The following ANK3 variants were observed in gnomAD, a reference collection of about 807,000 sequenced individuals.
ANK3 encodes ankyrin-3.
A neutral mutation model predicts 370.9 loss-of-function variants in ANK3; 57 were observed. The observed-to-expected ratio is 0.15, with a 90% CI of 0.12 to 0.19. The LOEUF (loss-of-function observed/expected upper bound fraction) is 0.19, where lower values mean the gene tolerates loss of function less well. Ranked by LOEUF, ANK3 falls within the 10% of genes least tolerant of loss-of-function variation. ANK3 has a pLI of 1.00. For missense variants in ANK3, 4,439 were observed against 5,302.1 expected (o/e 0.84, Z 5.06); for synonymous variants, 1,929 against 1,946.3 (o/e 0.99, Z 0.23).
intron 9 of ANK3, among the ~76,000 whole-genome samples, chr10:60,209,172 A>T (rs1338619652): frequency 6.6e-6 from 1 of 152,210 alleles, no homozygotes; most frequent in Admixed American, 6.5e-5. Context: ...AGAGAATTCA[A>T]TTATCAAGAG....
chr10:60,159,411 C>G (rs1259189060), intron 23 of ANK3, among the ~76,000 whole-genome samples: 4 of 151,998 alleles, frequency 2.6e-5, no homozygotes, highest in Admixed American at 2.6e-4. Context: ...TGCTGGAGCA[C>G]CCGTATATAT....
chr10:60,239,563 G>A (rs4369348), intron 7 of ANK3, among the ~76,000 whole-genome samples: 110,305 of 151,956 alleles, frequency 0.73, 40,148 homozygotes, highest in East Asian at 0.85. Flanking sequence ...ACTTTTTAAG[G>A]TAAACAAAAG....
At chr10:60,033,536 A>AAAAAAAAAAAAAAAAAAAAAAC (rs1554812951) in intron 43 of ANK3, among the ~76,000 whole-genome samples, 1 of 98,394 alleles carries the variant, frequency 1.0e-5, no homozygotes, top group Non-Finnish European at 2.0e-5. Flanking sequence ...AAAAAAAAAA[A>AAAAAAAAAAAAAAAAAAAAAAC]AAACTTGGAA....
chr10:60,458,540 A>G (rs2064808232), intron 2 of ANK3, among the ~76,000 whole-genome samples: 1 of 152,148 alleles, frequency 6.6e-6, no homozygotes, highest in Admixed American at 6.6e-5. Context: ...TACTGAGAAA[A>G]TTCAGCAAGA....
intron 7 of ANK3, among the ~76,000 whole-genome samples, chr10:60,240,123 C>CAT (rs1205095561): frequency 4.8e-5 from 4 of 83,080 alleles, no homozygotes; most frequent in Non-Finnish European, 7.4e-5. Flanking sequence ...TATATACACA[C>CAT]ATATATATAC....
chr10:60,723,952 T>G (rs562087505), intron 1 of ANK3, among the ~76,000 whole-genome samples: 2 of 151,602 alleles, frequency 1.3e-5, no homozygotes, highest in Non-Finnish European at 2.9e-5. Context: ...GGCTCACGCC[T>G]GTAATCCCAG....
rs139067447 is a variant in ANK3 at position 60,176,536 on chromosome 10, C to T, written c.2185-3350G>A. On this transcript the variant is annotated intron_variant, in intron 18 of 43. Transcript: ENST00000280772. ...CAGCACTTTTGGAGGCCGAGGCCGG[C>T]GGATCACCCGAGGTCAGGAGCTCGA... 8.6e-3 allele frequency among the ~76,000 whole-genome samples: 1,306 copies of T among 151,816 alleles called. 26 individuals are homozygous for T. The highest frequency in any genetic ancestry group is 0.03 in the African/African-American group (1,238 of 41,494).
chr10:60,730,355 G>T (rs1326554392), intron 1 of ANK3, among the ~76,000 whole-genome samples: 2 of 151,958 alleles, frequency 1.3e-5, no homozygotes, highest in East Asian at 1.9e-4. Flanking sequence ...ACAGGGTCTC[G>T]CTATATTACC....
chr10:60,591,532 A>G (rs1217956799), intron 2 of ANK3, among the ~76,000 whole-genome samples: 1 of 152,026 alleles, frequency 6.6e-6, no homozygotes, highest in Non-Finnish European at 1.5e-5. Flanking sequence ...TCAAAAAACT[A>G]AAAATTGAAC....
chr10:60,260,889 T>C (rs2097793838), intron 7 of ANK3, among the ~76,000 whole-genome samples: 1 of 152,060 alleles, frequency 6.6e-6, no homozygotes. Context: ...GAACCTCTAT[T>C]CTTTATGAAT....
At chr10:60,265,765 A>T (rs545919237) in intron 5 of ANK3, among the ~76,000 whole-genome samples, 1 of 152,274 alleles carries the variant, frequency 6.6e-6, no homozygotes, top group Admixed American at 6.5e-5. Context: ...AGGCTCTCAT[A>T]ATTCATCTGA....
At chr10:60,042,602 C>A (rs1349319709) in intron 43 of ANK3, 70 bp downstream of exon 43, 3 of 1,422,110 alleles carry the variant, frequency 2.1e-6, no homozygotes, top group Non-Finnish European at 2.9e-6. Flanking sequence ...ATCAGAATCA[C>A]TTATTTAGTG....
intron 25 of ANK3, among the ~76,000 whole-genome samples, chr10:60,130,812 A>G (rs1329449401): frequency 5.3e-5 from 8 of 152,212 alleles, no homozygotes; most frequent in African/African-American, 1.9e-4. Flanking sequence ...ATAGACAGAG[A>G]TGCATTAGCT....
At chr10:60,551,079 A>T (rs2077078290) in intron 2 of ANK3, among the ~76,000 whole-genome samples, 1 of 152,090 alleles carries the variant, frequency 6.6e-6, no homozygotes. Context: ...CTCTATTTTC[A>T]ATATATCACA....
chr10:60,176,802 A>G (rs2095976785), intron 18 of ANK3, among the ~76,000 whole-genome samples: 1 of 150,718 alleles, frequency 6.6e-6, no homozygotes, highest in African/African-American at 2.4e-5. Context: ...ACAAACAAAC[A>G]AAAAAAACCA....
chr10:60,572,675 C>T, intron 2 of ANK3: 3 of 1,431,764 alleles, frequency 2.1e-6, no homozygotes, highest in Non-Finnish European at 2.7e-6. Context: ...AACCCAGCCC[C>T]TGCTGCTGTC....
intron 35 of ANK3, 55 bp from the exon 36 acceptor site, chr10:60,080,673 C>T: frequency 1.5e-6 from 2 of 1,338,044 alleles, no homozygotes; most frequent in Non-Finnish European, 2.1e-6. Flanking sequence ...GTGACATCTT[C>T]AGTTTTAAGA....
intron 1 of ANK3, chr10:60,684,926 C>T (rs1423343547): frequency 1.3e-6 from 2 of 1,507,484 alleles, no homozygotes; most frequent in Non-Finnish European, 1.8e-6. Flanking sequence ...TTGGAGAACT[C>T]ATTATCTCTT....
At chr10:60,412,320 A>G (rs2063576711) in intron 2 of ANK3, among the ~76,000 whole-genome samples, 1 of 152,090 alleles carries the variant, frequency 6.6e-6, no homozygotes, top group Admixed American at 6.6e-5. Flanking sequence ...GCCTGAAGAG[A>G]ACAAAAGAAA....
Sources: allele counts gnomAD v4.1 joint callset (sites outside exome capture counted in the v4.1 genomes callset), GRCh38; gene constraint gnomAD v4.1.1; transcripts MANE v1.5; gene names NCBI Gene and HGNC (gene_info 2026-07-23, HGNC 2026-07-21).